Variants in COQ8A observed in about 807,000 individuals in gnomAD.
The protein encoded by COQ8A is atypical kinase COQ8A, mitochondrial.
A neutral mutation model predicts 65.0 loss-of-function variants in COQ8A; 51 were observed. That is an observed-to-expected ratio of 0.78 (90% CI 0.63 to 0.99). The LOEUF (loss-of-function observed/expected upper bound fraction) is 0.99. Ranked by LOEUF, COQ8A falls within the 50% of genes least tolerant of loss-of-function variation. COQ8A has a pLI of 0.00. For synonymous variants in COQ8A, 371 were observed against 353.2 expected (o/e 1.05, Z -0.57); for missense variants, 940 against 875.0 (o/e 1.07, Z -0.94).
chr1:226,954,124 C>T (rs1012288229), intron 1 of COQ8A, among the ~76,000 whole-genome samples: 5 of 152,254 alleles, frequency 3.3e-5, no homozygotes, highest in Admixed American at 6.5e-5. Flanking sequence ...TTAAACAGTC[C>T]TTGCCAAAGC....
intron 1 of COQ8A, among the ~76,000 whole-genome samples, chr1:226,945,868 G>A (rs1436954215): frequency 2.0e-5 from 3 of 152,222 alleles, no homozygotes; most frequent in African/African-American, 7.2e-5. Flanking sequence ...ACCATGAGCG[G>A]GATTATGAAG....
At chr1:226,973,133 C>A (rs1338148573) in intron 4 of COQ8A, among the ~76,000 whole-genome samples, 3 of 152,240 alleles carry the variant, frequency 2.0e-5, no homozygotes, top group Admixed American at 2.0e-4. Flanking sequence ...AAGTGGCAGG[C>A]AGTGACGCCA....
chr1:226,942,227 G>T (rs567406105), intron 1 of COQ8A, among the ~76,000 whole-genome samples: 2 of 152,050 alleles, frequency 1.3e-5, no homozygotes, highest in South Asian at 2.1e-4. Flanking sequence ...GGACCTGCCC[G>T]TGAGTAGGTG....
intron 4 of COQ8A, among the ~76,000 whole-genome samples, chr1:226,971,545 A>G (rs997865218): frequency 1.4e-4 from 21 of 149,104 alleles, no homozygotes; most frequent in African/African-American, 4.9e-4. Flanking sequence ...GCTCCATCTC[A>G]AAAAGAAAAA....
intron 14 of COQ8A, 66 bp from the exon 15 acceptor site, chr1:226,986,387 G>C: frequency 6.4e-7 from 1 of 1,572,034 alleles, no homozygotes; most frequent in East Asian, 2.2e-5. Flanking sequence ...GGCACTGTGG[G>C]AGGAACCCGG....
chr1:226,978,597 TACCCTCTACA>T (rs1659457941), intron 5 of COQ8A, among the ~76,000 whole-genome samples: 3 of 55,682 alleles, frequency 5.4e-5, no homozygotes, highest in Non-Finnish European at 4.8e-5. Context: ...CCACACACTC[TACCCTCTACA>T]CACCCGCCCA....
At chr1:226,952,699 G>A (rs1279357757) in intron 1 of COQ8A, among the ~76,000 whole-genome samples, 6 of 151,816 alleles carry the variant, frequency 4.0e-5, no homozygotes, top group African/African-American at 1.2e-4. Context: ...GGCGTGTGCC[G>A]CTTCACCCAA....
intron 12 of COQ8A, 50 bp from the exon 13 acceptor site, chr1:226,984,826 C>A: frequency 6.3e-7 from 1 of 1,596,944 alleles, no homozygotes; most frequent in Non-Finnish European, 8.6e-7. Flanking sequence ...CCCACACACC[C>A]GCACCATGGA....
chr1:226,947,933 C>T (rs956446258), intron 1 of COQ8A, among the ~76,000 whole-genome samples: 24 of 152,100 alleles, frequency 1.6e-4, no homozygotes, highest in African/African-American at 5.8e-4. Context: ...CAGCTTGGTG[C>T]CTCGCACTTG....
At chr1:226,982,179 G>A in intron 6 of COQ8A, 30 bp downstream of exon 6, 1 of 1,551,626 alleles carries the variant, frequency 6.4e-7, no homozygotes, top group South Asian at 1.2e-5. Flanking sequence ...GCTGCCCCGG[G>A]ACTGCGTGGG....
In COQ8A at chr1:226,961,453, T is replaced by C. The variant is rs778770085; in HGVS notation, c.68T>C (p.Val23Ala). ...KGLVKLTQAA[V>A]ETHLQHLGIG... Reference sequence around the variant, plus strand: ...CTTGTCAAGCTGACCCAGGCGGCCGTGGAAACCCACCTGCAGCACTTGGGC... The same window carrying C: ...CTTGTCAAGCTGACCCAGGCGGCCGCGGAAACCCACCTGCAGCACTTGGGC... The change falls in exon 2 of 15, where the codon GTG becomes GCG. Residue 23 changes from valine to alanine, a missense_variant. By Grantham distance (64) the Val-to-Ala change is moderately conservative. Coordinates refer to ENST00000366777, the MANE Select transcript of COQ8A (RefSeq NM_020247.5). The C allele has an allele frequency of 6.8e-6, 11 of 1,613,788 alleles. No individual in the cohort carries two copies. The highest frequency in any genetic ancestry group is 2.2e-5 in the East Asian group (1 of 44,876).
At chr1:226,982,533 G>A in intron 6 of COQ8A, 145 bp from the exon 7 acceptor site, 1 of 902,878 alleles carries the variant, frequency 1.1e-6, no homozygotes, top group Non-Finnish European at 1.8e-6. Flanking sequence ...GGGCGTGTGT[G>A]CGAGGGCTCC....
rs890892112 is a variant in COQ8A, at chr1:226,949,279, A to G, written c.-10+8880A>G. Reference sequence around the variant, plus strand: ...GTTTGGGTTTTATATATATGTCTACATACATGTCTACAGGTAGAGGAGCCA... The same window carrying G: ...GTTTGGGTTTTATATATATGTCTACGTACATGTCTACAGGTAGAGGAGCCA... On this transcript the variant is annotated intron_variant, in intron 1 of 14. Transcript: ENST00000366777. The surrounding 1 kb of genome is among the most constrained non-coding windows in gnomAD (Gnocchi z 4.0). 1.3e-5 allele frequency among the ~76,000 whole-genome samples: 2 copies of G among 152,110 alleles called. No individual in the cohort carries two copies. Among genetic ancestry groups the G allele is most frequent in the Middle Eastern group, 3.4e-3 (1 of 294 alleles).
chr1:226,976,538 G>A (rs952865267), intron 4 of COQ8A, among the ~76,000 whole-genome samples: 14 of 152,212 alleles, frequency 9.2e-5, no homozygotes, highest in Non-Finnish European at 1.5e-4. Flanking sequence ...TGGTCACCGT[G>A]CCCAGCCAGG....
At chr1:226,969,728 A>T (rs1026996752) in intron 4 of COQ8A, among the ~76,000 whole-genome samples, 1 of 152,046 alleles carries the variant, frequency 6.6e-6, no homozygotes. Flanking sequence ...CCTTATGTTT[A>T]ATGCATATCT....
chr1:226,982,259 C>T, intron 6 of COQ8A, 110 bp downstream of exon 6: 9 of 1,454,374 alleles, frequency 6.2e-6, no homozygotes, highest in South Asian at 1.3e-5. Context: ...AAGATGTGAG[C>T]AGGCTGGGGA....
Position 226,978,815 on chromosome 1 carries a change from CCTCCATG to C in COQ8A, c.730+1294_730+1300del, listed in dbSNP as rs1558202300. Among the ~76,000 whole-genome samples the C allele has an allele frequency of 6.6e-4, 73 of 110,154 alleles. 3 individuals are homozygous for C. The highest frequency in any genetic ancestry group is 2.0e-3 in the African/African-American group (69 of 35,182). 72.3% of individuals were successfully genotyped at this position (110,154 alleles called of 152,430 possible). Reference sequence around the variant, plus strand: ...CTCACCCGCACAGCTCCTTACACACCCTCCATGCACACACCTCCTTACACACCCACCT... The same window carrying C: ...CTCACCCGCACAGCTCCTTACACACCCACACACCTCCTTACACACCCACCT... On this transcript the variant is annotated intron_variant, in intron 5 of 14. Transcript: ENST00000366777.
chr1:226,965,439 A>G (rs1405996036), intron 3 of COQ8A, 29 bp downstream of exon 3: 2 of 1,597,222 alleles, frequency 1.3e-6, no homozygotes, highest in Non-Finnish European at 1.7e-6. Flanking sequence ...TGGAGGGCCG[A>G]GGTAGCTGCC....
In COQ8A at chr1:226,983,596, C is replaced by T. The variant is rs1659853296; in HGVS notation, c.1125C>T (p.Leu375=). 6.2e-7 allele frequency: 1 copy of T among 1,614,036 alleles called. No individual in the cohort carries two copies. Among genetic ancestry groups the T allele is most frequent in the East Asian group, 2.2e-5 (1 of 44,882 alleles). ...AQSINSDVNN[L]MAVLNMSNML... ...GCATCAACAGTGATGTCAACAACCT[C>T]ATGGCCGTGTTGAACATGAGCAACA... Residue 375 remains leucine, a synonymous_variant, in exon 9 of 15, where the codon CTC becomes CTT. Transcript: ENST00000366777.
Sources: gnomAD v4.1 joint callset for allele counts (sites outside exome capture counted in the v4.1 genomes callset) on GRCh38, gnomAD v4.1.1 for gene constraint, Gnocchi (gnomAD v3.1) non-coding constraint, MANE v1.5 for transcripts, NCBI Gene and HGNC (gene_info 2026-07-23, HGNC 2026-07-21) for gene names.